The following AGPAT4 variants were observed in gnomAD, a reference collection of about 807,000 sequenced individuals.
AGPAT4 encodes 1-acyl-sn-glycerol-3-phosphate acyltransferase delta.
AGPAT4 carries 15 observed loss-of-function variants against 48.0 expected under a neutral mutation model. The observed-to-expected ratio is 0.31, with a 90% CI of 0.21 to 0.48. AGPAT4 has a LOEUF of 0.48. AGPAT4 is among the 20% of genes least tolerant of loss of function. The pLI is 0.99. For missense variants in AGPAT4, 314 were observed against 482.5 expected, an observed-to-expected ratio of 0.65 and a Z score of 3.27; for synonymous variants, 178 against 198.7, an observed-to-expected ratio of 0.90 and a Z score of 0.88.
In AGPAT4 at chr6:161,132,384, G is replaced by T. The variant is rs374160982; in HGVS notation, c.*4156C>A. ...GAAGCCCCTGAATGGTCCCTTGGCA[G>T]AGGCAAAGAATGAGCCCAGAGCCTG... On this transcript the variant is annotated 3_prime_UTR_variant, in exon 9 of 9. Transcript: ENST00000320285. The T allele has an allele frequency of 6.6e-6, 1 of 152,306 alleles. No individual in the cohort carries two copies. The highest frequency in any genetic ancestry group is 2.1e-4 in the South Asian group (1 of 4,836). The allele number at this position is 152,306 out of a possible 1,614,324, so 9.4% of individuals were successfully genotyped here.
rs752480270 is a variant in AGPAT4 at position 161,164,932 on chromosome 6, G to A, written c.348+1316C>T. ...AACTACAGTTTGAATTCCAGGAGAC[G>A]CTGGCACCTCAGAAAGCCTAGCTGT... is the stretch of plus-strand genomic sequence containing the variant. On this transcript the variant is annotated intron_variant, in intron 3 of 8. Transcript: ENST00000320285. This position sits in a 1 kb window ranked among gnomAD's most constrained non-coding sequence, Gnocchi z 7.4. Among the ~76,000 whole-genome samples, 10 of 152,144 alleles carry A rather than the reference G, an allele frequency of 6.6e-5. No homozygotes were observed. Among genetic ancestry groups the A allele is most frequent in the East Asian group, 1.9e-4 (1 of 5,196 alleles).
chr6:161,176,570 C>T (rs1242254842), intron 2 of AGPAT4, among the ~76,000 whole-genome samples: 1 of 152,168 alleles, frequency 6.6e-6, no homozygotes, highest in Non-Finnish European at 1.5e-5. Flanking sequence ...ATACAGCACA[C>T]TGATGGGTCT....
chr6:161,262,867 T>C lies in AGPAT4; in HGVS notation c.-90+11071A>G, dbSNP rs1783141537. On this transcript the variant is annotated intron_variant, in intron 1 of 8. Coordinates refer to ENST00000320285, the MANE Select transcript of AGPAT4 (RefSeq NM_020133.3). The surrounding 1 kb of genome is among the most constrained non-coding windows in gnomAD (Gnocchi z 4.9). The stretch of plus-strand genomic sequence containing the variant: ...CGTCATAAACAGTGCTGATGAAAGA[T>C]GCCAGCGAGCCGTGAGAGCTGAGGT... Among the ~76,000 whole-genome samples the C allele has an allele frequency of 6.6e-6, 1 of 152,128 alleles. No individual in the cohort carries two copies. The highest frequency in any genetic ancestry group is 1.5e-5 in the Non-Finnish European group (1 of 68,028).
rs79353000 is a variant in AGPAT4 at position 161,209,270 on chromosome 6, T to A, written c.178+22766A>T. 1.2e-4 allele frequency among the ~76,000 whole-genome samples: 18 copies of A among 152,310 alleles called. No individual in the cohort carries two copies. In the East Asian group the frequency reaches 3.5e-3, roughly 29 times the overall value. Reference sequence around the variant, plus strand: ...AGGTGATGGCTGCTTTCTTCTCTACTGGGCTTGAATTAATCCATGGGCACC... The same window carrying A: ...AGGTGATGGCTGCTTTCTTCTCTACAGGGCTTGAATTAATCCATGGGCACC... On this transcript the variant is annotated intron_variant, in intron 2 of 8. Coordinates refer to ENST00000320285, the MANE Select transcript of AGPAT4 (RefSeq NM_020133.3).
rs116651925 is a variant in AGPAT4, at chr6:161,206,591, G to T, written c.178+25445C>A. 6.6e-6 allele frequency among the ~76,000 whole-genome samples: 1 copy of T among 152,054 alleles called. No individual in the cohort carries two copies. Among genetic ancestry groups the T allele is most frequent in the African/African-American group, 2.4e-5 (1 of 41,396 alleles). On this transcript the variant is annotated intron_variant, in intron 2 of 8. Transcript: ENST00000320285. This position sits in a 1 kb window ranked among gnomAD's most constrained non-coding sequence, Gnocchi z 4.8. Reference sequence around the variant, plus strand: ...AAAACAAGTTTAAGTAAGACCTACCGTCTAATAACATAATTCTCCAAATGT... The same window carrying T: ...AAAACAAGTTTAAGTAAGACCTACCTTCTAATAACATAATTCTCCAAATGT...
chr6:161,237,981 G>C (rs931317401), intron 1 of AGPAT4, among the ~76,000 whole-genome samples: 16 of 148,734 alleles, frequency 1.1e-4, no homozygotes, highest in Admixed American at 3.4e-4. Flanking sequence ...ATCAACCAAA[G>C]CACCAGACAA....
At chr6:161,186,564 C>T (rs1210044667) in intron 2 of AGPAT4, among the ~76,000 whole-genome samples, 1 of 152,128 alleles carries the variant, frequency 6.6e-6, no homozygotes, top group East Asian at 1.9e-4. Context: ...TGACCTTCTA[C>T]CCAGTCTCTC....
chr6:161,268,047 C>G (rs1000527606), intron 1 of AGPAT4, among the ~76,000 whole-genome samples: 2 of 152,244 alleles, frequency 1.3e-5, no homozygotes, highest in African/African-American at 4.8e-5. Flanking sequence ...CGTCTCAGCT[C>G]TGCTCCTTCT....
Position 161,161,300 on chromosome 6 carries a change from G to A in AGPAT4, c.348+4948C>T, listed in dbSNP as rs1225701776. On this transcript the variant is annotated intron_variant, in intron 3 of 8. Coordinates refer to ENST00000320285, the MANE Select transcript of AGPAT4 (RefSeq NM_020133.3). This position sits in a 1 kb window ranked among gnomAD's most constrained non-coding sequence, Gnocchi z 4.6. The stretch of plus-strand genomic sequence containing the variant: ...AGGATGGTAGTCGGTATGAACCCGC[G>A]GTGCAGCCATAGTCCCGTGAGCTGC... The A allele has an allele frequency of 3.1e-5, 14 of 456,550 alleles. No homozygotes were observed. Among genetic ancestry groups the A allele is most frequent in the East Asian group, 6.9e-5 (1 of 14,404 alleles). 28.3% of individuals were successfully genotyped at this position (456,550 alleles called of 1,614,324 possible). A position where few individuals can be genotyped will look rare whatever the true frequency, so the allele number is the denominator to read the frequency against.
Position 161,169,761 on chromosome 6 carries a change from G to T in AGPAT4, c.179-3344C>A, listed in dbSNP as rs997222901. Reference sequence around the variant, plus strand: ...AGAAAATATAAAATTCCTCTAACTAGCTTCAGGATGTGTTACGCTGGCCTG... The same window carrying T: ...AGAAAATATAAAATTCCTCTAACTATCTTCAGGATGTGTTACGCTGGCCTG... On this transcript the variant is annotated intron_variant, in intron 2 of 8. Coordinates refer to ENST00000320285, the MANE Select transcript of AGPAT4 (RefSeq NM_020133.3). The surrounding 1 kb of genome is among the most constrained non-coding windows in gnomAD (Gnocchi z 5.0). Among the ~76,000 whole-genome samples, 1 of 152,136 alleles carries T rather than the reference G, an allele frequency of 6.6e-6. No individual in the cohort carries two copies. The highest frequency in any genetic ancestry group is 2.4e-5 in the African/African-American group (1 of 41,406).
At chr6:161,273,801 C>A (rs982536797) in intron 1 of AGPAT4, 137 bp downstream of exon 1, 33 of 150,366 alleles carry the variant, frequency 2.2e-4, no homozygotes, top group African/African-American at 7.6e-4. Flanking sequence ...CACTCCCCCC[C>A]CGCCCCCGGA....
chr6:161,178,386 G>A lies in AGPAT4; in HGVS notation c.179-11969C>T, dbSNP rs1046207466. Among the ~76,000 whole-genome samples, 5 of 152,214 alleles carry A rather than the reference G, an allele frequency of 3.3e-5. No individual in the cohort carries two copies. Among genetic ancestry groups the A allele is most frequent in the African/African-American group, 2.4e-5 (1 of 41,456 alleles). ...CGCCTTGCAGTTCGATCAGACTTCTGTGCTAGCAATGAGCAAGGCTCCGTG... is the reference window on the plus strand; with the variant it reads ...CGCCTTGCAGTTCGATCAGACTTCTATGCTAGCAATGAGCAAGGCTCCGTG... On this transcript the variant is annotated intron_variant, in intron 2 of 8. Coordinates refer to ENST00000320285, the MANE Select transcript of AGPAT4 (RefSeq NM_020133.3). This position sits in a 1 kb window ranked among gnomAD's most constrained non-coding sequence, Gnocchi z 5.1.
chr6:161,172,786 A>C (rs1394080198), intron 2 of AGPAT4, among the ~76,000 whole-genome samples: 1 of 151,652 alleles, frequency 6.6e-6, no homozygotes, highest in Non-Finnish European at 1.5e-5. Context: ...AATGCTATCC[A>C]TCCCCCTTCC....
In AGPAT4 at chr6:161,145,458, GA is replaced by G. The variant is rs1294861759; in HGVS notation, c.843+1065del. On this transcript the variant is annotated intron_variant, in intron 7 of 8. Coordinates refer to ENST00000320285, the MANE Select transcript of AGPAT4 (RefSeq NM_020133.3). ...GTGATGGTATAAAGGCATCATCAGG[GA>G]AAAAAGGTATCAGGATCTTGATTCC... Among the ~76,000 whole-genome samples, 28 of 151,492 alleles carry G rather than the reference GA, an allele frequency of 1.8e-4. No individual in the cohort carries two copies. The South Asian group carries it at 4.8e-3, about 26-fold the overall frequency.
rs1781854965 is a variant in AGPAT4 at position 161,222,180 on chromosome 6, A to G, written c.178+9856T>C. On this transcript the variant is annotated intron_variant, in intron 2 of 8. Transcript: ENST00000320285. The surrounding 1 kb of genome is among the most constrained non-coding windows in gnomAD (Gnocchi z 5.9). ...GAAGATGCAGTCAATCCATCCATCA[A>G]TCAATAAAAGGTGCTGATGAATTTC... Among the ~76,000 whole-genome samples the G allele has an allele frequency of 1.3e-5, 2 of 152,190 alleles. No homozygotes were observed. The highest frequency in any genetic ancestry group is 1.3e-4 in the Admixed American group (2 of 15,270).
At chr6:161,187,341 T>TTGC (rs1421472597) in intron 2 of AGPAT4, among the ~76,000 whole-genome samples, 5 of 152,178 alleles carry the variant, frequency 3.3e-5, no homozygotes, top group African/African-American at 1.2e-4. Context: ...TTCGTTGTTG[T>TTGC]TGCTGCCCAC....
At chr6:161,160,104 ATTTTTTTTTTTTTTTT>A (rs5881394) in intron 3 of AGPAT4, 2 of 74,008 alleles carry the variant, frequency 2.7e-5, no homozygotes, top group African/African-American at 1.1e-4. Context: ...CACCCAGCTA[ATTTTTTTTTTTTTTTT>A]TTTTTTTTTT....
chr6:161,169,678 G>A lies in AGPAT4; in HGVS notation c.179-3261C>T, dbSNP rs183928779. On this transcript the variant is annotated intron_variant, in intron 2 of 8. Transcript: ENST00000320285. The surrounding 1 kb of genome is among the most constrained non-coding windows in gnomAD (Gnocchi z 5.0). ...GATTTCACTTCTTTTTTAATTCACA[G>A]AAACACATTTATACAGTCACATTGT... is the stretch of plus-strand genomic sequence containing the variant. Among the ~76,000 whole-genome samples the A allele has an allele frequency of 6.6e-6, 1 of 152,228 alleles. No individual in the cohort carries two copies. Among genetic ancestry groups the A allele is most frequent in the Admixed American group, 6.5e-5 (1 of 15,302 alleles).
At chr6:161,136,995 G>C (rs1779088462) in intron 8 of AGPAT4, among the ~76,000 whole-genome samples, 1 of 152,160 alleles carries the variant, frequency 6.6e-6, no homozygotes, top group South Asian at 2.1e-4. Context: ...AAGTTAACAG[G>C]GCATGTTCAG....
Sources: gnomAD v4.1 joint callset for allele counts (sites outside exome capture counted in the v4.1 genomes callset) on GRCh38, gnomAD v4.1.1 for gene constraint, Gnocchi (gnomAD v3.1) non-coding constraint, MANE v1.5 for transcripts, NCBI Gene and HGNC (gene_info 2026-07-23, HGNC 2026-07-21) for gene names.